GARNL3: variants seen among roughly 807,000 people sequenced by gnomAD.
GARNL3 encodes GTPase-activating Rap/Ran-GAP domain-like protein 3.
In GARNL3, 63 loss-of-function variants were observed where a neutral mutation model predicts 125.0. The ratio of observed to expected loss-of-function variants is 0.50; its 90% CI spans 0.41 to 0.62. The LOEUF (loss-of-function observed/expected upper bound fraction) is 0.62. GARNL3 is among the 20% of genes least tolerant of loss of function. The pLI is 0.00. For missense variants in GARNL3, 994 were observed against 1,244.0 expected (o/e 0.80, Z 3.02); for synonymous variants, 439 against 457.5 (o/e 0.96, Z 0.52).
Position 127,349,579 on chromosome 9 carries a change from C to T in GARNL3, c.1543+544C>T, listed in dbSNP as rs555449962. Reference sequence around the variant, plus strand: ...ACATTCTGACAGCCAGATAGATCAGCCTTCCTGGGGAGTTAGTCAGTTCTC... The same window carrying T: ...ACATTCTGACAGCCAGATAGATCAGTCTTCCTGGGGAGTTAGTCAGTTCTC... On this transcript the variant is annotated intron_variant, in intron 17 of 27. Transcript: ENST00000373387. Among the ~76,000 whole-genome samples, 6 of 152,274 alleles carry T rather than the reference C, an allele frequency of 3.9e-5. No individual in the cohort carries two copies. In the East Asian group the frequency reaches 1.2e-3, roughly 29 times the overall value.
intron 2 of GARNL3, chr9:127,300,140 G>T: frequency 3.1e-6 from 1 of 321,410 alleles, no homozygotes; most frequent in Non-Finnish European, 6.3e-6. Context: ...TTTACCTCTG[G>T]CCAGTTTTCC....
rs762631998 is a variant in GARNL3, at chr9:127,271,493, G to A, written c.144+6472G>A. On this transcript the variant is annotated intron_variant, in intron 1 of 27. Coordinates refer to ENST00000373387, the MANE Select transcript of GARNL3 (RefSeq NM_032293.5). ...CCAATATACTTAGGCTCATTAGCTG[G>A]CAGTGCATTTCATCAAAAGCATATG... is the stretch of plus-strand genomic sequence containing the variant. 1.3e-4 allele frequency among the ~76,000 whole-genome samples: 19 copies of A among 150,304 alleles called. 1 individual carries two copies. Among genetic ancestry groups the A allele is most frequent in the African/African-American group, 4.8e-4 (19 of 39,640 alleles).
intron 15 of GARNL3, among the ~76,000 whole-genome samples, chr9:127,344,653 T>C (rs1386566763): frequency 6.6e-6 from 1 of 152,158 alleles, no homozygotes; most frequent in Non-Finnish European, 1.5e-5. Context: ...AGGAATTTTC[T>C]GAAGAGTGAG....
chr9:127,388,994 C>G lies in GARNL3; in HGVS notation c.2618C>G (p.Ser873Cys). The G allele has an allele frequency of 6.2e-7, 1 of 1,613,818 alleles. No homozygotes were observed. Among genetic ancestry groups the G allele is most frequent in the Non-Finnish European group, 8.5e-7 (1 of 1,179,678 alleles). Residue 873 changes from serine (S) to cysteine (C), a missense_variant, in exon 26 of 28, where the codon TCC (serine) becomes TGC (cysteine). Around this residue, in one of 5 missense-constraint regions of GARNL3, gnomAD observed 728 missense variants for 865.7 expected, o/e 0.84. Transcript: ENST00000373387. ...CGACCTCTGAAGTCACCCTTAGTCT[C>G]CAAGGTCATCACCCCACCCACTCCC... ...IERPLKSPLV[S>C]KVITPPTPIS...
At chr9:127,225,214 A>G (rs1296300930) in intron 1 of GARNL3, 17 of 241,558 alleles carry the variant, frequency 7.0e-5, no homozygotes, top group African/African-American at 4.3e-4. Flanking sequence ...CAGCGAGGGG[A>G]GAGGGGCGGG....
chr9:127,300,438 T>C, intron 2 of GARNL3: 1 of 415,200 alleles, frequency 2.4e-6, no homozygotes. Context: ...TCCTTGACCC[T>C]CATTAATTCC....
chr9:127,341,594 GT>G (rs1829862333), intron 13 of GARNL3, among the ~76,000 whole-genome samples: 1 of 152,188 alleles, frequency 6.6e-6, no homozygotes, highest in African/African-American at 2.4e-5. Flanking sequence ...CTGAAAGGGT[GT>G]TGGCAGCATG....
chr9:127,375,479 A>AAG (rs1554734973), intron 22 of GARNL3, among the ~76,000 whole-genome samples: 7 of 151,944 alleles, frequency 4.6e-5, no homozygotes, highest in African/African-American at 1.7e-4. Flanking sequence ...AAAAAAAAAA[A>AAG]AAAAGAAAAG....
chr9:127,385,117 T>C lies in GARNL3; in HGVS notation c.2360T>C (p.Val787Ala). The change falls in exon 24 of 28, where the codon GTG becomes GCG. Residue 787 changes from valine to alanine, a missense_variant. Coordinates refer to ENST00000373387, the MANE Select transcript of GARNL3 (RefSeq NM_032293.5). This position sits in a 1 kb window ranked among gnomAD's most constrained non-coding sequence, Gnocchi z 4.1. ...GGGAACCTGGTCCACACTGCAGTCG[T>C]GCCGCAGCTGCAGCTGGTGGCCTCC... ...VNGNLVHTAV[V>A]PQLQLVASRS... 6.2e-7 allele frequency: 1 copy of C among 1,608,096 alleles called. No homozygotes were observed. The highest frequency in any genetic ancestry group is 8.5e-7 in the Non-Finnish European group (1 of 1,176,366).
chr9:127,231,042 A>T (rs10119639), intron 1 of GARNL3, among the ~76,000 whole-genome samples: 693 of 46,310 alleles, frequency 0.015, 5 homozygotes, highest in Middle Eastern at 0.037. Flanking sequence ...ATACATATAT[A>T]TATATATATT....
chr9:127,245,532 C>G (rs2063286623), intron 2 of GARNL3: 1 of 152,216 alleles, frequency 6.6e-6, no homozygotes, highest in African/African-American at 2.4e-5. Context: ...GGAGTCAGGC[C>G]TTGCTCTGGA....
chr9:127,249,948 GC>G (rs1447371586), intron 2 of GARNL3, among the ~76,000 whole-genome samples: 1 of 152,194 alleles, frequency 6.6e-6, no homozygotes, highest in Non-Finnish European at 1.5e-5. Flanking sequence ...GGCAGAGGTT[GC>G]AGGGAGCCGA....
At chr9:127,309,323 G>A (rs866522960) in intron 2 of GARNL3, among the ~76,000 whole-genome samples, 2 of 152,148 alleles carry the variant, frequency 1.3e-5, no homozygotes, top group African/African-American at 2.4e-5. Context: ...TGAAAGTAGG[G>A]GGATAAAATA....
chr9:127,225,833 C>CGCGCCCCTT (rs1192962159), intron 1 of GARNL3, among the ~76,000 whole-genome samples: 3 of 45,072 alleles, frequency 6.7e-5, no homozygotes, highest in Admixed American at 2.2e-4. Flanking sequence ...TTGCGCCCCT[C>CGCGCCCCTT]GCGCCCCTTG....
At chr9:127,231,044 A>ATG (rs1311501205) in intron 1 of GARNL3, among the ~76,000 whole-genome samples, 5 of 47,510 alleles carry the variant, frequency 1.1e-4, no homozygotes, top group African/African-American at 6.0e-4. Flanking sequence ...ACATATATAT[A>ATG]TATATATTTT....
At chr9:127,308,106 G>A (rs1427092485) in intron 2 of GARNL3, among the ~76,000 whole-genome samples, 6 of 152,224 alleles carry the variant, frequency 3.9e-5, no homozygotes, top group African/African-American at 9.6e-5. Flanking sequence ...GTCCTACAAG[G>A]AACAAAATCC....
chr9:127,360,669 CA>C (rs1830947119), intron 21 of GARNL3, among the ~76,000 whole-genome samples: 1 of 152,228 alleles, frequency 6.6e-6, no homozygotes, highest in African/African-American at 2.4e-5. Context: ...GAAGCTGACA[CA>C]GCGTAGGTCA....
intron 20 of GARNL3, among the ~76,000 whole-genome samples, chr9:127,356,229 C>T (rs575138919): frequency 6.6e-6 from 1 of 152,102 alleles, no homozygotes; most frequent in Non-Finnish European, 1.5e-5. Flanking sequence ...AATAAGAAGG[C>T]CTGCCACGAG....
rs1347452255 is a variant in GARNL3, at chr9:127,342,446, C to T, written c.1251+112C>T. On this transcript the variant is annotated intron_variant, in intron 14 of 27. Coordinates refer to ENST00000373387, the MANE Select transcript of GARNL3 (RefSeq NM_032293.5). ...AGAAAAGCGTAGGAGGCGCCTTGAT[C>T]CTTGCTGTCAGGACTGTGCTGTGGC... is the stretch of plus-strand genomic sequence containing the variant. 3 of 720,296 alleles carry T rather than the reference C, an allele frequency of 4.2e-6. No individual in the cohort carries two copies. In the Admixed American group the frequency reaches 6.8e-5, roughly 16 times the overall value. 44.6% of individuals were successfully genotyped at this position (720,296 alleles called of 1,614,324 possible). A position where few individuals can be genotyped will look rare whatever the true frequency, so the allele number is the denominator to read the frequency against.
Sources: allele counts gnomAD v4.1 joint callset (sites outside exome capture counted in the v4.1 genomes callset), GRCh38; gene constraint gnomAD v4.1.1; regional missense constraint gnomAD v4.1.1; non-coding constraint Gnocchi (gnomAD v3.1); transcripts MANE v1.5; gene names NCBI Gene and HGNC (gene_info 2026-07-23, HGNC 2026-07-21).